Variants in CPLANE1 observed in about 807,000 individuals in gnomAD.
The protein encoded by CPLANE1 is ciliogenesis and planar polarity effector 1.
In CPLANE1, 263 loss-of-function variants were observed where a neutral mutation model predicts 362.5. The ratio of observed to expected loss-of-function variants is 0.73; its 90% CI spans 0.66 to 0.80. The LOEUF (loss-of-function observed/expected upper bound fraction) is 0.80, where lower values mean the gene tolerates loss of function less well. CPLANE1 is among the 30% of genes least tolerant of loss of function. The pLI, the probability that CPLANE1 is intolerant of heterozygous loss-of-function variation, is 0.00. For synonymous variants in CPLANE1, 1,212 were observed against 1,302.6 expected, an observed-to-expected ratio of 0.93 and a Z score of 1.50; for missense variants, 3,461 against 3,793.4, an observed-to-expected ratio of 0.91 and a Z score of 2.30.
At position 37,137,519 on chromosome 5, in the gene CPLANE1, A is replaced by G. The variant is rs552402644; in HGVS notation, c.8792+1201T>C. 3.3e-5 allele frequency among the ~76,000 whole-genome samples: 5 copies of G among 152,258 alleles called. No individual in the cohort carries two copies. The East Asian group carries it at 9.6e-4, about 29-fold the overall frequency. On this transcript the variant is annotated intron_variant, in intron 46 of 52. Transcript: ENST00000651892. ...TAGCACCCCACTCTCTGCAGCACCA[A>G]TTTACTATATTAGTCTGTTCTTACA...
At chr5:37,157,616 C>T (rs1476357394) in intron 40 of CPLANE1, 54 bp downstream of exon 40, 28 of 1,462,072 alleles carry the variant, frequency 1.9e-5, no homozygotes, top group South Asian at 1.8e-4. Context: ...GATAACAATG[C>T]TATATTAAAG....
chr5:37,119,941 C>G (rs1033277536), intron 50 of CPLANE1, among the ~76,000 whole-genome samples: 46 of 151,556 alleles, frequency 3.0e-4, no homozygotes, highest in Non-Finnish European at 1.2e-4. Flanking sequence ...GAGCCAAGAT[C>G]TCGCCACTGC....
chr5:37,227,653 A>AG lies in CPLANE1; in HGVS notation c.1285dup (p.Leu429ProfsTer13). ...TGATCTCATGTGTACTGATGGAGAT[A>AG]GGCTATCAAGAAATCGAAGGGTTGT... On this transcript the variant is annotated frameshift_variant, in exon 10 of 53. Coordinates refer to ENST00000651892, the MANE Select transcript of CPLANE1 (RefSeq NM_001384732.1). 6.4e-7 allele frequency: 1 copy of AG among 1,551,488 alleles called. No individual in the cohort carries two copies. The highest frequency in any genetic ancestry group is 8.7e-7 in the Non-Finnish European group (1 of 1,146,820).
chr5:37,112,485 G>A (rs1429820389), intron 51 of CPLANE1, among the ~76,000 whole-genome samples: 1 of 152,216 alleles, frequency 6.6e-6, no homozygotes, highest in Non-Finnish European at 1.5e-5. Flanking sequence ...AAAGCTTTCT[G>A]AAGTGAAAGG....
chr5:37,108,254 A>G (rs1314959303), intron 52 of CPLANE1, 39 bp downstream of exon 52: 11 of 1,551,786 alleles, frequency 7.1e-6, no homozygotes, highest in South Asian at 1.1e-5. Context: ...AAGAACATAG[A>G]GCAATCACTA....
At chr5:37,155,794 C>G (rs1774921141) in intron 41 of CPLANE1, among the ~76,000 whole-genome samples, 1 of 152,212 alleles carries the variant, frequency 6.6e-6, no homozygotes, top group South Asian at 2.1e-4. Flanking sequence ...GCCTAACATA[C>G]TCAGGGGTCA....
chr5:37,187,218 T>C (rs1400624709), intron 23 of CPLANE1, among the ~76,000 whole-genome samples, 196 bp downstream of exon 23: 1 of 152,144 alleles, frequency 6.6e-6, no homozygotes, highest in Non-Finnish European at 1.5e-5. Flanking sequence ...TTCCACTCTC[T>C]GCTTCCGTGA....
At chr5:37,107,833 C>T in intron 52 of CPLANE1, 55 bp from the exon 53 acceptor site, 1 of 1,471,326 alleles carries the variant, frequency 6.8e-7, no homozygotes, top group African/African-American at 1.4e-5. Context: ...AACAAAAAAA[C>T]AAAAACAAAA....
chr5:37,206,164 T>C (rs1201447399), intron 17 of CPLANE1, 33 bp downstream of exon 17: 7 of 1,297,422 alleles, frequency 5.4e-6, no homozygotes, highest in African/African-American at 4.4e-5. Context: ...AGTTCAATCA[T>C]ACTATATCTT....
chr5:37,184,949 C>T lies in CPLANE1; in HGVS notation c.4320G>A (p.Glu1440=). 1 of 1,614,122 alleles carries T rather than the reference C, an allele frequency of 6.2e-7. No individual in the cohort carries two copies. Among genetic ancestry groups the T allele is most frequent in the Non-Finnish European group, 8.5e-7 (1 of 1,179,984 alleles). ...CAACACCTGGAGCCTCATCTGGTTT[C>T]TCTTCTTCAATTGGTTCCCATATAT... ...EVNIWEPIEE[E]KPDEAPGVDR... Residue 1440 remains glutamate, a synonymous_variant, in exon 25 of 53, where the codon GAG becomes GAA. Transcript: ENST00000651892.
At chr5:37,229,802 T>C (rs2150497681) in intron 9 of CPLANE1, among the ~76,000 whole-genome samples, 1 of 152,242 alleles carries the variant, frequency 6.6e-6, no homozygotes, top group African/African-American at 2.4e-5. Flanking sequence ...TAAGACACAA[T>C]TAGCGTCACA....
At position 37,244,544 on chromosome 5, in the gene CPLANE1, GGTGTT is replaced by G; in HGVS notation, c.396_400del (p.Thr133PhefsTer19). ...TTCCCAAAGAAATATGCATCCAGAA[GGTGTT>G]ATGAGCACAATTCTTTTCCCATTTC... On this transcript the variant is annotated frameshift_variant, in exon 5 of 53. Coordinates refer to ENST00000651892, the MANE Select transcript of CPLANE1 (RefSeq NM_001384732.1). 1 of 1,551,416 alleles carries G rather than the reference GGTGTT, an allele frequency of 6.4e-7. No individual in the cohort carries two copies. The highest frequency in any genetic ancestry group is 8.7e-7 in the Non-Finnish European group (1 of 1,146,888).
intron 26 of CPLANE1, among the ~76,000 whole-genome samples, chr5:37,181,990 G>A (rs957762092): frequency 6.6e-6 from 1 of 151,776 alleles, no homozygotes; most frequent in African/African-American, 2.4e-5. Context: ...TACTCACAAG[G>A]CTGAGGCAGG....
chr5:37,202,422 G>A (rs1789468934), intron 18 of CPLANE1, among the ~76,000 whole-genome samples: 1 of 151,718 alleles, frequency 6.6e-6, no homozygotes, highest in South Asian at 2.1e-4. Context: ...TAAAGTCCTG[G>A]GATTACAGAC....
chr5:37,096,305 A>G, the CPLANE1 span, among the ~76,000 whole-genome samples: 1 of 152,208 alleles, frequency 6.6e-6, no homozygotes, highest in Non-Finnish European at 1.5e-5. Flanking sequence ...TAAAGGGGGA[A>G]AGGACACCCT....
At chr5:37,236,278 C>T (rs1166249347) in intron 8 of CPLANE1, among the ~76,000 whole-genome samples, 2 of 152,134 alleles carry the variant, frequency 1.3e-5, no homozygotes, top group African/African-American at 4.8e-5. Flanking sequence ...AGCCACATAG[C>T]TACAACCAAC....
At chr5:37,218,121 G>C (rs188508567) in intron 15 of CPLANE1, among the ~76,000 whole-genome samples, 16 of 152,258 alleles carry the variant, frequency 1.1e-4, no homozygotes, top group African/African-American at 3.9e-4. Context: ...TGCTTGTAAG[G>C]TGGTCCTTGG....
At chr5:37,078,476 A>G in the CPLANE1 span, among the ~76,000 whole-genome samples, 15 of 152,258 alleles carry the variant, frequency 9.9e-5, no homozygotes, top group South Asian at 2.7e-3. Context: ...TGGATTCCAC[A>G]TATTTGCTAT....
At chr5:37,196,428 C>T (rs1335330131) in intron 20 of CPLANE1, among the ~76,000 whole-genome samples, 2 of 151,966 alleles carry the variant, frequency 1.3e-5, no homozygotes, top group African/African-American at 4.8e-5. Context: ...AGAAAGACAC[C>T]ATTTGGCAGC....
Sources: allele counts gnomAD v4.1 joint callset (sites outside exome capture counted in the v4.1 genomes callset), GRCh38; gene constraint gnomAD v4.1.1; transcripts MANE v1.5; gene names NCBI Gene and HGNC (gene_info 2026-07-23, HGNC 2026-07-21).